Variants in UBE3D observed in about 807,000 individuals in gnomAD.
The protein encoded by UBE3D is ubiquitin protein ligase E3D.
A neutral mutation model predicts 49.6 loss-of-function variants in UBE3D; 48 were observed. That is an observed-to-expected ratio of 0.97 (90% confidence interval 0.77 to 1.23). The LOEUF is 1.23. UBE3D is among the 50% of genes most tolerant of loss of function. UBE3D has a pLI of 0.00. For missense variants in UBE3D, 452 were observed against 468.4 expected, an observed-to-expected ratio of 0.96 and a Z score of 0.32; for synonymous variants, 189 against 174.2, an observed-to-expected ratio of 1.08 and a Z score of -0.67.
At chr6:83,005,098 G>T (rs1779878856) in intron 8 of UBE3D, among the ~76,000 whole-genome samples, 1 of 151,384 alleles carries the variant, frequency 6.6e-6, no homozygotes, top group East Asian at 1.9e-4. Flanking sequence ...TCTCATAAGG[G>T]ATTATTATCC....
intron 3 of UBE3D, among the ~76,000 whole-genome samples, chr6:83,049,111 C>T (rs991031923): frequency 6.6e-6 from 1 of 151,884 alleles, no homozygotes; most frequent in African/African-American, 2.4e-5. Flanking sequence ...AACATATACA[C>T]AAGAAAATGC....
chr6:82,931,198 G>A (rs1283307661), intron 9 of UBE3D, among the ~76,000 whole-genome samples: 3 of 152,226 alleles, frequency 2.0e-5, no homozygotes, highest in South Asian at 2.1e-4. Flanking sequence ...TGAACTTTGC[G>A]AACCTCTGCC....
At chr6:82,948,780 T>C (rs1260349144) in intron 9 of UBE3D, among the ~76,000 whole-genome samples, 1 of 152,048 alleles carries the variant, frequency 6.6e-6, no homozygotes, top group Non-Finnish European at 1.5e-5. Context: ...AACATTTCAA[T>C]TAATGTTGGT....
At position 83,045,715 on chromosome 6, in the gene UBE3D, T is replaced by A. The variant is rs115146556; in HGVS notation, c.366-1056A>T. 1.7e-3 allele frequency among the ~76,000 whole-genome samples: 264 copies of A among 152,300 alleles called. 1 individual carries two copies. Among genetic ancestry groups the A allele is most frequent in the African/African-American group, 6.3e-3 (260 of 41,580 alleles). ...CAAAGGTAGTGTATTAGTTCCCATA[T>A]ACACTTCACCCAGATGGACCTAAAC... is the stretch of plus-strand genomic sequence containing the variant. On this transcript the variant is annotated intron_variant, in intron 3 of 9. Coordinates refer to ENST00000369747, the MANE Select transcript of UBE3D (RefSeq NM_198920.3).
At chr6:83,046,151 C>T (rs1038954388) in intron 3 of UBE3D, among the ~76,000 whole-genome samples, 2 of 152,074 alleles carry the variant, frequency 1.3e-5, no homozygotes, top group African/African-American at 4.8e-5. Flanking sequence ...TGCTAAGTTC[C>T]TCCTTCTAAC....
intron 8 of UBE3D, among the ~76,000 whole-genome samples, chr6:82,967,214 A>G (rs1053507133): frequency 6.6e-6 from 1 of 152,330 alleles, no homozygotes; most frequent in Non-Finnish European, 1.5e-5. Flanking sequence ...GATGCTGTCT[A>G]TCCTTCACCC....
At chr6:83,048,427 T>C (rs1783227951) in intron 3 of UBE3D, among the ~76,000 whole-genome samples, 1 of 152,182 alleles carries the variant, frequency 6.6e-6, no homozygotes, top group South Asian at 2.1e-4. Context: ...ACTTTCTCCA[T>C]CATTAAGATC....
intron 8 of UBE3D, among the ~76,000 whole-genome samples, chr6:82,971,254 C>T (rs1037038517): frequency 4.5e-4 from 68 of 152,106 alleles, no homozygotes; most frequent in Non-Finnish European, 9.0e-4. Context: ...TCTTTTGGCT[C>T]ACATTTTTAC....
chr6:82,900,497 G>A (rs1469507391), intron 9 of UBE3D, among the ~76,000 whole-genome samples: 1 of 152,182 alleles, frequency 6.6e-6, no homozygotes, highest in Admixed American at 6.5e-5. Context: ...ATTTATTTCA[G>A]TGGCAATTTT....
chr6:82,925,909 G>GA (rs999240610), intron 9 of UBE3D, among the ~76,000 whole-genome samples: 2 of 151,986 alleles, frequency 1.3e-5, no homozygotes, highest in African/African-American at 4.8e-5. Flanking sequence ...CATTTAGGTA[G>GA]AAAAAAACCT....
At chr6:83,018,669 G>C in intron 8 of UBE3D, 1 of 283,936 alleles carries the variant, frequency 3.5e-6, no homozygotes, top group Non-Finnish European at 6.5e-6. Flanking sequence ...TGCCTGGAAA[G>C]TGCTTATTGG....
At chr6:83,015,035 G>T (rs1229132940) in intron 8 of UBE3D, among the ~76,000 whole-genome samples, 1 of 152,170 alleles carries the variant, frequency 6.6e-6, no homozygotes, top group Non-Finnish European at 1.5e-5. Flanking sequence ...ACGGTAGTAT[G>T]CCCACCTTGC....
intron 9 of UBE3D, among the ~76,000 whole-genome samples, chr6:82,927,526 T>C (rs1435281812): frequency 1.3e-5 from 2 of 152,084 alleles, no homozygotes; most frequent in African/African-American, 4.8e-5. Flanking sequence ...ATTTATTTAG[T>C]TCTTTGATTT....
intron 4 of UBE3D, among the ~76,000 whole-genome samples, chr6:83,044,155 G>A (rs1462639248): frequency 6.6e-6 from 1 of 152,168 alleles, no homozygotes; most frequent in African/African-American, 2.4e-5. Context: ...GAACAAGAAA[G>A]CAAGACATTT....
intron 8 of UBE3D, among the ~76,000 whole-genome samples, chr6:82,984,945 G>C (rs566248272): frequency 2.7e-5 from 4 of 150,820 alleles, no homozygotes; most frequent in Non-Finnish European, 5.9e-5. Flanking sequence ...CAAGTAGGTA[G>C]GACTGCAGCT....
At chr6:83,002,974 G>T (rs1779734424) in intron 8 of UBE3D, among the ~76,000 whole-genome samples, 1 of 152,136 alleles carries the variant, frequency 6.6e-6, no homozygotes, top group Non-Finnish European at 1.5e-5. Context: ...TAAATTCTGG[G>T]GGTGTATTTA....
At chr6:82,960,604 A>C (rs968266886) in intron 8 of UBE3D, among the ~76,000 whole-genome samples, 1 of 151,556 alleles carries the variant, frequency 6.6e-6, no homozygotes, top group Non-Finnish European at 1.5e-5. Flanking sequence ...AGTGATATAA[A>C]TATGGTATTA....
At chr6:82,997,681 T>TG (rs1317666369) in intron 8 of UBE3D, among the ~76,000 whole-genome samples, 1 of 152,122 alleles carries the variant, frequency 6.6e-6, no homozygotes, top group African/African-American at 2.4e-5. Context: ...ATGGTGCCAC[T>TG]GCATTCCAGC....
chr6:82,889,434 C>A (rs1416887220), downstream of UBE3D, among the ~76,000 whole-genome samples: 1 of 152,192 alleles, frequency 6.6e-6, no homozygotes, highest in African/African-American at 2.4e-5. Flanking sequence ...TCTATGGAAT[C>A]AAACACGCTT....
Sources: gnomAD v4.1 joint callset for allele counts (sites outside exome capture counted in the v4.1 genomes callset) on GRCh38, gnomAD v4.1.1 for gene constraint, MANE v1.5 for transcripts, NCBI Gene and HGNC (gene_info 2026-07-23, HGNC 2026-07-21) for gene names.